Variants in CYFIP2 observed in about 807,000 individuals in gnomAD.
CYFIP2 encodes cytoplasmic FMR1-interacting protein 2.
Under a neutral mutation model 158.7 loss-of-function variants are expected in CYFIP2, and 29 were observed. The observed-to-expected ratio is 0.18, with a 90% CI of 0.14 to 0.25. The LOEUF is 0.25. Ranked by LOEUF, CYFIP2 falls within the 10% of genes least tolerant of loss-of-function variation. The pLI, the probability that CYFIP2 is intolerant of heterozygous loss-of-function variation, is 1.00. For missense variants in CYFIP2, 852 were observed against 1,639.5 expected (o/e 0.52, Z 8.29); for synonymous variants, 585 against 617.6 (o/e 0.95, Z 0.78).
intron 23 of CYFIP2, among the ~76,000 whole-genome samples, chr5:157,351,918 A>T (rs1374389581): frequency 1.3e-5 from 2 of 152,146 alleles, no homozygotes; most frequent in Non-Finnish European, 2.9e-5. Flanking sequence ...GAGAAATATG[A>T]CCAGCAAGTG....
chr5:157,346,266 A>G (rs1762683096), intron 23 of CYFIP2, among the ~76,000 whole-genome samples: 2 of 152,188 alleles, frequency 1.3e-5, no homozygotes, highest in African/African-American at 4.8e-5. Flanking sequence ...CAAGCTTGCT[A>G]AACCATCATG....
At chr5:157,286,677 C>A (rs547420507) in intron 2 of CYFIP2, among the ~76,000 whole-genome samples, 3 of 152,100 alleles carry the variant, frequency 2.0e-5, no homozygotes, top group Admixed American at 1.3e-4. Flanking sequence ...TATATCCACA[C>A]CCTTGGGTGA....
intron 23 of CYFIP2, 24 bp from the exon 24 acceptor site, chr5:157,358,980 AT>A (rs34750079): frequency 6.2e-7 from 1 of 1,613,710 alleles, no homozygotes. Flanking sequence ...TCAGGCACTT[AT>A]TTGCCACTAC....
At chr5:157,317,874 G>A (rs1211872733) in intron 13 of CYFIP2, among the ~76,000 whole-genome samples, 1 of 151,940 alleles carries the variant, frequency 6.6e-6, no homozygotes, top group Non-Finnish European at 1.5e-5. Flanking sequence ...TTTCTTGGAG[G>A]CATTCCTCCA....
In CYFIP2 at chr5:157,394,883, C is replaced by G. The variant is rs1204720180; in HGVS notation, c.*1883C>G. The G allele has an allele frequency of 6.6e-6, 1 of 152,372 alleles. No homozygotes were observed. The highest frequency in any genetic ancestry group is 1.5e-5 in the Non-Finnish European group (1 of 68,190). 9.4% of individuals were successfully genotyped at this position (152,372 alleles called of 1,614,324 possible). A position where few individuals can be genotyped will look rare whatever the true frequency, so the allele number is the denominator to read the frequency against. ...CAGAGGCAAAAGAGACACATTATCC[C>G]AGATGGCAGAACATGCTTTCAAAAC... On this transcript the variant is annotated 3_prime_UTR_variant, in exon 31 of 31. Transcript: ENST00000620254.
chr5:157,368,963 A>G (rs1413687172), intron 26 of CYFIP2, among the ~76,000 whole-genome samples: 3 of 151,294 alleles, frequency 2.0e-5, no homozygotes, highest in Admixed American at 1.3e-4. Context: ...CAGTGGCACA[A>G]TCTTGGCTCA....
At chr5:157,343,409 T>C in intron 23 of CYFIP2, 1 of 1,614,164 alleles carries the variant, frequency 6.2e-7, no homozygotes, top group Non-Finnish European at 8.5e-7. Flanking sequence ...GTAGCGAAGA[T>C]AGCCAGAGAA....
Position 157,266,855 on chromosome 5 carries a change from G to T in CYFIP2, c.-24+660G>T. ...GTGGAAGTGGGGGAAGGGGATGAGT[G>T]GGCTGACTCCTGGGGGAAAAGGTGG... On this transcript the variant is annotated intron_variant, in intron 1 of 30. Transcript: ENST00000620254. This position sits in a 1 kb window ranked among gnomAD's most constrained non-coding sequence, Gnocchi z 4.2. 1 of 153,040 alleles carries T rather than the reference G, an allele frequency of 6.5e-6. No individual in the cohort carries two copies. The allele number at this position is 153,040 out of a possible 1,614,324, so 9.5% of individuals were successfully genotyped here. A position where few individuals can be genotyped will look rare whatever the true frequency, so the allele number is the denominator to read the frequency against.
chr5:157,322,808 G>A lies in CYFIP2; in HGVS notation c.1672-1113G>A, dbSNP rs548521661. 349 of 882,642 alleles carry A rather than the reference G, an allele frequency of 4.0e-4. 1 individual carries two copies. The South Asian group carries it at 5.3e-3, about 13-fold the overall frequency. 54.7% of individuals were successfully genotyped at this position (882,642 alleles called of 1,614,324 possible). A position where few individuals can be genotyped will look rare whatever the true frequency, so the allele number is the denominator to read the frequency against. On this transcript the variant is annotated intron_variant, in intron 15 of 30. Transcript: ENST00000620254. ...TTGGAGTGTCTCAGAGGTGGCCCCC[G>A]GCAGTCGCGGCGGCTTTCCCACCGT...
chr5:157,324,129 G>A, intron 16 of CYFIP2, 55 bp downstream of exon 16: 1 of 1,543,532 alleles, frequency 6.5e-7, no homozygotes, highest in Non-Finnish European at 8.8e-7. Flanking sequence ...AGGGCTCTCA[G>A]AGCCGCTAAG....
At chr5:157,340,967 G>T in intron 22 of CYFIP2, 103 bp from the exon 23 acceptor site, 1 of 1,056,044 alleles carries the variant, frequency 9.5e-7, no homozygotes, top group South Asian at 1.3e-5. Context: ...ACTTGTACCA[G>T]TGCAAACCTT....
intron 13 of CYFIP2, among the ~76,000 whole-genome samples, chr5:157,317,969 C>T (rs538041258): frequency 6.6e-6 from 1 of 152,294 alleles, no homozygotes; most frequent in Admixed American, 6.5e-5. Flanking sequence ...TATTTATTAT[C>T]TTGGGAATTC....
At chr5:157,290,830 C>T (rs1757766698) in intron 3 of CYFIP2, among the ~76,000 whole-genome samples, 1 of 152,154 alleles carries the variant, frequency 6.6e-6, no homozygotes, top group Non-Finnish European at 1.5e-5. Context: ...TGTCTCCTGT[C>T]CCCACTTGGG....
chr5:157,389,274 G>A lies in CYFIP2; in HGVS notation c.3293G>A (p.Arg1098His), dbSNP rs748704223. Residue 1098 changes from arginine to histidine, a missense_variant, in exon 29 of 31, where the codon CGC becomes CAC. By Grantham distance (29) the Arg-to-His change is conservative (BLOSUM62 0). Transcript: ENST00000620254. ...TCCATGTTCGAGGTCATCCTGACCC[G>A]CATTCGGAGCTACCTGCAGGACCCC... is the stretch of plus-strand genomic sequence containing the variant. ...GLSMFEVILTRIRSYLQDPIW... is the reference protein window; with the variant it reads ...GLSMFEVILTHIRSYLQDPIW... 8.1e-6 allele frequency: 13 copies of A among 1,614,044 alleles called. No homozygotes were observed. The highest frequency in any genetic ancestry group is 2.2e-5 in the East Asian group (1 of 44,884).
At chr5:157,288,599 T>C (rs1757578254) in intron 3 of CYFIP2, 3 of 456,026 alleles carry the variant, frequency 6.6e-6, no homozygotes, top group Non-Finnish European at 1.3e-5. Flanking sequence ...TATCGAATGC[T>C]TTTTCTATAC....
intron 19 of CYFIP2, 49 bp from the exon 20 acceptor site, chr5:157,330,693 G>A: frequency 1.4e-6 from 2 of 1,436,948 alleles, no homozygotes; most frequent in South Asian, 1.1e-5. Context: ...GCAGTTGAGA[G>A]TCATTCACAA....
At chr5:157,328,245 C>T (rs1158293395) in intron 19 of CYFIP2, among the ~76,000 whole-genome samples, 196 bp downstream of exon 19, 1 of 152,200 alleles carries the variant, frequency 6.6e-6, no homozygotes, top group Non-Finnish European at 1.5e-5. Context: ...AGCCTGCAGT[C>T]CAGCAGGAAA....
chr5:157,382,826 C>T (rs1766262437), intron 27 of CYFIP2, among the ~76,000 whole-genome samples, 164 bp downstream of exon 27: 1 of 152,152 alleles, frequency 6.6e-6, no homozygotes, highest in African/African-American at 2.4e-5. Context: ...ACCTAGCCAC[C>T]TGCATTGAGC....
At position 157,395,538 on chromosome 5, in the gene CYFIP2, G is replaced by T; in HGVS notation, c.*2538G>T. 1 of 1,005,964 alleles carries T rather than the reference G, an allele frequency of 9.9e-7. No individual in the cohort carries two copies. The allele number at this position is 1,005,964 out of a possible 1,614,324, so 62.3% of individuals were successfully genotyped here. On this transcript the variant is annotated 3_prime_UTR_variant, in exon 31 of 31. Transcript: ENST00000620254. ...TGATTTGTATTTTGGGGGTACCTGT[G>T]TTGAGTTGATAAACATTTCCATCTT... is the stretch of plus-strand genomic sequence containing the variant.
Sources: gnomAD v4.1 joint callset for allele counts (sites outside exome capture counted in the v4.1 genomes callset) on GRCh38, gnomAD v4.1.1 for gene constraint, Gnocchi (gnomAD v3.1) non-coding constraint, MANE v1.5 for transcripts, NCBI Gene and HGNC (gene_info 2026-07-23, HGNC 2026-07-21) for gene names.